The following FGGY variants were observed in gnomAD, a reference collection of about 807,000 sequenced individuals.
FGGY encodes FGGY carbohydrate kinase domain-containing protein.
In FGGY, 72 loss-of-function variants were observed where a neutral mutation model predicts 71.3. The ratio of observed to expected loss-of-function variants is 1.01; its 90% CI spans 0.84 to 1.23. The LOEUF (loss-of-function observed/expected upper bound fraction) is 1.23. FGGY is among the 50% of genes most tolerant of loss of function. The probability of loss-of-function intolerance (pLI) is 0.00; values close to 1 mark genes in which losing one functional copy is unlikely to be tolerated. For synonymous variants in FGGY, 251 were observed against 250.3 expected (o/e 1.00, Z -0.02); for missense variants, 668 against 682.3 (o/e 0.98, Z 0.23).
At chr1:59,736,247 G>C (rs924537241) in intron 14 of FGGY, among the ~76,000 whole-genome samples, 8 of 152,078 alleles carry the variant, frequency 5.3e-5, no homozygotes, top group African/African-American at 1.9e-4. Context: ...GCCCAGTTTG[G>C]GATATGTCTT....
intron 14 of FGGY, among the ~76,000 whole-genome samples, chr1:59,679,102 C>A (rs1460118847): frequency 1.3e-5 from 2 of 152,228 alleles, no homozygotes; most frequent in Non-Finnish European, 2.9e-5. Flanking sequence ...GATAAACCAT[C>A]CATGCTGACC....
chr1:59,546,593 G>A (rs983355296), intron 7 of FGGY, among the ~76,000 whole-genome samples: 6 of 151,858 alleles, frequency 4.0e-5, no homozygotes, highest in Non-Finnish European at 7.4e-5. Context: ...GCAATGGCGC[G>A]ATCTCGGCTC....
At chr1:59,378,022 A>G (rs972529129) in intron 4 of FGGY, among the ~76,000 whole-genome samples, 2 of 152,104 alleles carry the variant, frequency 1.3e-5, no homozygotes, top group African/African-American at 4.8e-5. Context: ...AGAATTTTAT[A>G]TGGCAGGGGA....
chr1:59,462,669 AAAG>A (rs1472040833), intron 6 of FGGY, among the ~76,000 whole-genome samples: 1 of 152,258 alleles, frequency 6.6e-6, no homozygotes, highest in African/African-American at 2.4e-5. Context: ...ACACTTCTCA[AAAG>A]AAGACATTTA....
At position 59,524,256 on chromosome 1, in the gene FGGY, G is replaced by A. The variant is rs181072865; in HGVS notation, c.799+11817G>A. On this transcript the variant is annotated intron_variant, in intron 7 of 15. Coordinates refer to ENST00000303721, the MANE Select transcript of FGGY (RefSeq NM_018291.5). ...CCACCTTGGCCCTCTCTGGACCTTG[G>A]GCGCCAACGAGCATGGCAGGAGCTG... Among the ~76,000 whole-genome samples the A allele has an allele frequency of 5.8e-3, 878 of 152,298 alleles. 5 individuals are homozygous for A. The highest frequency in any genetic ancestry group is 9.5e-3 in the Non-Finnish European group (644 of 68,024).
At chr1:59,355,110 C>T (rs916162873) in intron 4 of FGGY, among the ~76,000 whole-genome samples, 4 of 152,132 alleles carry the variant, frequency 2.6e-5, no homozygotes, top group Non-Finnish European at 4.4e-5. Context: ...GGTTGATGGG[C>T]TTTAAACATG....
At chr1:59,631,955 C>T (rs1253588598) in intron 10 of FGGY, among the ~76,000 whole-genome samples, 14 of 152,136 alleles carry the variant, frequency 9.2e-5, no homozygotes, top group Admixed American at 8.5e-4. Flanking sequence ...AGGTTCTTAA[C>T]TAACAGTGTC....
At chr1:59,395,002 A>G (rs1474326998) in intron 5 of FGGY, among the ~76,000 whole-genome samples, 7 of 151,580 alleles carry the variant, frequency 4.6e-5, no homozygotes, top group African/African-American at 1.7e-4. Context: ...GTCAACTGCT[A>G]TTCACCCTTC....
intron 10 of FGGY, among the ~76,000 whole-genome samples, chr1:59,633,653 T>C (rs955779230): frequency 2.0e-5 from 3 of 152,174 alleles, no homozygotes; most frequent in African/African-American, 7.2e-5. Flanking sequence ...GAAAGCCTGA[T>C]TGGACATTCT....
chr1:59,695,900 G>A (rs2097653780), intron 14 of FGGY, among the ~76,000 whole-genome samples: 1 of 148,640 alleles, frequency 6.7e-6, no homozygotes, highest in African/African-American at 2.5e-5. Flanking sequence ...AGTCCTGTGG[G>A]TTTTTTTTTT....
intron 6 of FGGY, among the ~76,000 whole-genome samples, chr1:59,471,229 T>C (rs1335587733): frequency 6.6e-6 from 1 of 152,220 alleles, no homozygotes; most frequent in Non-Finnish European, 1.5e-5. Context: ...TGATAAATGT[T>C]TGGCATTTTC....
At chr1:59,427,272 G>A (rs886317774) in intron 5 of FGGY, among the ~76,000 whole-genome samples, 1 of 152,184 alleles carries the variant, frequency 6.6e-6, no homozygotes, top group Admixed American at 6.5e-5. Context: ...TGGGGCCCTT[G>A]CTGCCTCCCT....
intron 14 of FGGY, among the ~76,000 whole-genome samples, chr1:59,681,807 C>G (rs946057876): frequency 1.9e-4 from 3 of 15,794 alleles, no homozygotes; most frequent in Non-Finnish European, 6.1e-4. Context: ...CACACACATG[C>G]ACACACACAC....
At chr1:59,678,549 G>A (rs1161331110) in intron 14 of FGGY, among the ~76,000 whole-genome samples, 1 of 152,138 alleles carries the variant, frequency 6.6e-6, no homozygotes, top group Non-Finnish European at 1.5e-5. Context: ...AAAACAAGAA[G>A]CAGTTTCAAG....
intron 4 of FGGY, among the ~76,000 whole-genome samples, chr1:59,351,816 A>G (rs2053360774): frequency 1.3e-5 from 2 of 151,990 alleles, no homozygotes; most frequent in Admixed American, 1.3e-4. Context: ...AGAGCTGACC[A>G]CTCACTTCGT....
intron 9 of FGGY, among the ~76,000 whole-genome samples, chr1:59,616,661 G>A (rs1401557229): frequency 6.6e-6 from 1 of 151,788 alleles, no homozygotes; most frequent in Non-Finnish European, 1.5e-5. Flanking sequence ...TATAATGATG[G>A]TAATATTAAT....
At chr1:59,394,473 A>G (rs902773583) in intron 5 of FGGY, among the ~76,000 whole-genome samples, 1 of 152,170 alleles carries the variant, frequency 6.6e-6, no homozygotes, top group African/African-American at 2.4e-5. Flanking sequence ...AGCACGTTAC[A>G]TACCATTTCT....
intron 5 of FGGY, among the ~76,000 whole-genome samples, chr1:59,404,384 C>T (rs947555276): frequency 2.0e-5 from 3 of 152,088 alleles, no homozygotes; most frequent in Admixed American, 2.0e-4. Context: ...TACATTTTTT[C>T]TTTCCAGGAC....
At chr1:59,355,236 A>G (rs914950311) in intron 4 of FGGY, among the ~76,000 whole-genome samples, 1 of 152,062 alleles carries the variant, frequency 6.6e-6, no homozygotes, top group Non-Finnish European at 1.5e-5. Context: ...TTTTATTATT[A>G]TACTTTAAGT....
Sources: gnomAD v4.1 joint callset for allele counts (sites outside exome capture counted in the v4.1 genomes callset) on GRCh38, gnomAD v4.1.1 for gene constraint, MANE v1.5 for transcripts, NCBI Gene and HGNC (gene_info 2026-07-23, HGNC 2026-07-21) for gene names.